ZHX3: variants seen among roughly 807,000 people sequenced by gnomAD.
ZHX3 encodes the protein zinc fingers and homeoboxes protein 3.
A neutral mutation model predicts 64.5 loss-of-function variants in ZHX3; 20 were observed. The ratio of observed to expected loss-of-function variants is 0.31; its 90% confidence interval spans 0.22 to 0.45. The LOEUF is 0.45. Among genes scored for constraint, ZHX3 ranks in the 20% least tolerant of loss-of-function variants. The pLI is 1.00. For missense variants in ZHX3, 1,041 were observed against 1,195.8 expected (o/e 0.87, Z 1.91); for synonymous variants, 423 against 461.6 (o/e 0.92, Z 1.07).
intron 2 of ZHX3, among the ~76,000 whole-genome samples, chr20:41,205,323 C>A (rs992297789): frequency 4.6e-5 from 7 of 152,178 alleles, no homozygotes; most frequent in African/African-American, 1.4e-4. Flanking sequence ...CCACCACCCC[C>A]TACATATCCC....
chr20:41,189,716 C>G (rs543030127), intron 3 of ZHX3, among the ~76,000 whole-genome samples: 2 of 152,244 alleles, frequency 1.3e-5, no homozygotes, highest in South Asian at 4.1e-4. Context: ...TGCTTACCAG[C>G]TTTAAGAGTT....
Position 41,198,299 on chromosome 20 carries a change from T to A in ZHX3, c.2860+3758A>T, listed in dbSNP as rs149731117. 4.0e-3 allele frequency among the ~76,000 whole-genome samples: 603 copies of A among 152,248 alleles called. 8 individuals carry two copies. Among genetic ancestry groups the A allele is most frequent in the East Asian group, 0.022 (116 of 5,174 alleles). On this transcript the variant is annotated intron_variant, in intron 3 of 3. Transcript: ENST00000683867. The stretch of plus-strand genomic sequence containing the variant: ...GTGTGAGCCACGGCACCTGGCCTAT[T>A]TTTTCTTATGGCTTCAAGTTTCTGT...
chr20:41,271,036 T>C (rs971347552), intron 1 of ZHX3, among the ~76,000 whole-genome samples: 1 of 152,126 alleles, frequency 6.6e-6, no homozygotes, highest in Non-Finnish European at 1.5e-5. Flanking sequence ...TGTTTTTTGT[T>C]TTTGAGAGAG....
chr20:41,275,960 G>A (rs1177846742), intron 1 of ZHX3, among the ~76,000 whole-genome samples: 1 of 152,198 alleles, frequency 6.6e-6, no homozygotes, highest in African/African-American at 2.4e-5. Flanking sequence ...TCAGAGGATG[G>A]GTTGGATACA....
At chr20:41,259,664 GAAAGAAGAGAA>G (rs1017939340) in intron 2 of ZHX3, among the ~76,000 whole-genome samples, 1 of 151,888 alleles carries the variant, frequency 6.6e-6, no homozygotes, top group Non-Finnish European at 1.5e-5. Flanking sequence ...GAGGGAGGGA[GAAAGAAGAGAA>G]AAAGAAAAGA....
In ZHX3 at chr20:41,204,720, T is replaced by C. The variant is rs1202872221; in HGVS notation, c.197A>G (p.Asn66Ser). The C allele has an allele frequency of 8.7e-6, 14 of 1,614,146 alleles. 1 individual carries two copies. Among genetic ancestry groups the C allele is most frequent in the Admixed American group, 3.3e-5 (2 of 60,010 alleles). ...PSSTDGSTLA[N>S]GHRSTLDGYL... is the part of the protein sequence containing the mutation. ...GCCATCTAAAGTGCTCCGATGCCCA[T>C]TGGCCAGTGTAGAGCCATCAGTACT... Residue 66 changes from asparagine to serine, a missense_variant, in exon 3 of 4, where the codon AAT becomes AGT. Physicochemically the swap from Asn to Ser is conservative, Grantham distance 46. This residue lies in a region of ZHX3 where 358 missense variants were observed against 369.1 expected (regional missense o/e 0.97). Coordinates refer to ENST00000683867, the MANE Select transcript of ZHX3 (RefSeq NM_001384317.1). This position sits in a 1 kb window ranked among gnomAD's most constrained non-coding sequence, Gnocchi z 6.6.
chr20:41,204,556 G>T lies in ZHX3; in HGVS notation c.361C>A (p.Pro121Thr). The change falls in exon 3 of 4, where the codon CCT becomes ACT. Residue 121 changes from proline to threonine, a missense_variant. This residue lies in a region of ZHX3 where 358 missense variants were observed against 369.1 expected (regional missense o/e 0.97). Transcript: ENST00000683867. This position sits in a 1 kb window ranked among gnomAD's most constrained non-coding sequence, Gnocchi z 6.6. ...GCATTGTGCAAGGAAAGCCCCTCAG[G>T]GGTTTTTGCCAGAAAACTGCACCCA... ...CSGCSFLAKT[P>T]EGLSLHNATC... The T allele has an allele frequency of 6.2e-7, 1 of 1,614,194 alleles. No individual in the cohort carries two copies. The highest frequency in any genetic ancestry group is 8.5e-7 in the Non-Finnish European group (1 of 1,180,038).
rs2038093568 is a variant in ZHX3, at chr20:41,200,065, G to C, written c.2860+1992C>G. 6.6e-6 allele frequency among the ~76,000 whole-genome samples: 1 copy of C among 152,042 alleles called. No individual in the cohort carries two copies. Among genetic ancestry groups the C allele is most frequent in the Non-Finnish European group, 1.5e-5 (1 of 68,010 alleles). On this transcript the variant is annotated intron_variant, in intron 3 of 3. Transcript: ENST00000683867. This position sits in a 1 kb window ranked among gnomAD's most constrained non-coding sequence, Gnocchi z 4.2. The stretch of plus-strand genomic sequence containing the variant: ...CCCTGGCACCAACAGTCTGCACCAG[G>C]AACATTTTCCACAGTTGCCTGCTGC...
At chr20:41,207,538 A>T (rs557107781) in intron 2 of ZHX3, among the ~76,000 whole-genome samples, 1 of 152,318 alleles carries the variant, frequency 6.6e-6, no homozygotes, top group Admixed American at 6.5e-5. Flanking sequence ...GGATTAAGAA[A>T]CTCACTCAAA....
chr20:41,239,980 A>G (rs1358331149), intron 2 of ZHX3, among the ~76,000 whole-genome samples: 2 of 151,964 alleles, frequency 1.3e-5, no homozygotes, highest in Non-Finnish European at 2.9e-5. Flanking sequence ...GGAAAGATGC[A>G]GTCACACTCA....
intron 2 of ZHX3, among the ~76,000 whole-genome samples, chr20:41,244,209 A>C (rs1276817449): frequency 6.6e-6 from 1 of 152,106 alleles, no homozygotes; most frequent in African/African-American, 2.4e-5. Flanking sequence ...CTAGTTGAGA[A>C]CCAGTGCCTT....
chr20:41,310,336 C>T (rs1332541623), intron 1 of ZHX3, among the ~76,000 whole-genome samples: 1 of 152,152 alleles, frequency 6.6e-6, no homozygotes, highest in Non-Finnish European at 1.5e-5. Context: ...GTATGTCAAA[C>T]CTTGTTTTCC....
chr20:41,215,990 T>C (rs1024638414), intron 2 of ZHX3, among the ~76,000 whole-genome samples: 5 of 148,828 alleles, frequency 3.4e-5, no homozygotes, highest in African/African-American at 7.4e-5. Flanking sequence ...GTTGACAGAA[T>C]TACAGAAACA....
At chr20:41,302,202 A>T (rs961031597) in intron 1 of ZHX3, among the ~76,000 whole-genome samples, 2 of 151,996 alleles carry the variant, frequency 1.3e-5, no homozygotes, top group African/African-American at 2.4e-5. Context: ...TCTCACTAGT[A>T]GGGGCTTTGA....
chr20:41,191,077 G>A (rs2036977146), intron 3 of ZHX3, among the ~76,000 whole-genome samples: 1 of 152,174 alleles, frequency 6.6e-6, no homozygotes, highest in Non-Finnish European at 1.5e-5. Flanking sequence ...AATCTCTTGT[G>A]AGATTTGGGA....
At chr20:41,317,728 GCTCGGCCTTGCACGGCTCCC>G (rs2045331280) in exon 1 of ZHX3, 1 of 151,968 alleles carries the variant, frequency 6.6e-6, no homozygotes. Flanking sequence ...GCTCGGCTCT[GCTCGGCCTTGCACGGCTCCC>G]CTCGGCCTTG....
intron 2 of ZHX3, among the ~76,000 whole-genome samples, chr20:41,256,436 C>T (rs2042256048): frequency 6.6e-6 from 1 of 151,944 alleles, no homozygotes; most frequent in African/African-American, 2.4e-5. Flanking sequence ...GACTTAATAC[C>T]AACTAAACTC....
intron 3 of ZHX3, among the ~76,000 whole-genome samples, chr20:41,189,020 G>A (rs908942548): frequency 6.6e-6 from 1 of 152,116 alleles, no homozygotes; most frequent in African/African-American, 2.4e-5. Context: ...TTTTGTATAT[G>A]GTGAGAGATA....
intron 1 of ZHX3, among the ~76,000 whole-genome samples, chr20:41,293,553 GA>G (rs891884967): frequency 2.0e-5 from 3 of 147,826 alleles, no homozygotes; most frequent in Admixed American, 6.7e-5. Flanking sequence ...ATTTGCTAAA[GA>G]AAAAAAAAAG....
Sources: gnomAD v4.1 joint callset for allele counts (sites outside exome capture counted in the v4.1 genomes callset) on GRCh38, gnomAD v4.1.1 for gene constraint, gnomAD v4.1.1 regional missense constraint, Gnocchi (gnomAD v3.1) non-coding constraint, MANE v1.5 for transcripts, NCBI Gene and HGNC (gene_info 2026-07-23, HGNC 2026-07-21) for gene names.